The following GALNT6 variants were observed in gnomAD, a reference collection of about 807,000 sequenced individuals.
GALNT6 encodes the protein GalNAc transferase 6.
In GALNT6, 51 loss-of-function variants were observed where a neutral mutation model predicts 65.9. The ratio of observed to expected loss-of-function variants is 0.77; its 90% CI spans 0.62 to 0.98. GALNT6 has a LOEUF of 0.98. Among genes scored for constraint, GALNT6 ranks in the 50% least tolerant of loss-of-function variants. GALNT6 has a pLI of 0.00. For synonymous variants in GALNT6, 323 were observed against 315.1 expected (o/e 1.02, Z -0.26); for missense variants, 708 against 803.3 (o/e 0.88, Z 1.43).
Position 51,359,126 on chromosome 12 carries a change from T to A in GALNT6, c.1368+6A>T. 6.2e-7 allele frequency: 1 copy of A among 1,610,282 alleles called. No homozygotes were observed. On this transcript the variant is annotated splice_donor_region_variant and intron_variant, in intron 8 of 11. Transcript: ENST00000356317. ...CTAAACCTCTCCGAGAACCATTTCC[T>A]CTCACCTCTTGGGCCATCTTTGCTG...
At chr12:51,391,205 C>G (rs2137876035) in intron 1 of GALNT6, 82 bp downstream of exon 1, 1 of 152,914 alleles carries the variant, frequency 6.5e-6, no homozygotes, top group South Asian at 2.1e-4. Flanking sequence ...TCTGGGGAGA[C>G]GGGGCACAGA....
chr12:51,383,748 C>G (rs1254882364), intron 2 of GALNT6, among the ~76,000 whole-genome samples: 2 of 152,092 alleles, frequency 1.3e-5, no homozygotes, highest in African/African-American at 4.8e-5. Context: ...TGGTGAGGCA[C>G]TCATTCTCTA....
At position 51,379,469 on chromosome 12, in the gene GALNT6, G is replaced by C; in HGVS notation, c.313C>G (p.Arg105Gly). 2 of 1,614,082 alleles carry C rather than the reference G, an allele frequency of 1.2e-6. No homozygotes were observed. The highest frequency in any genetic ancestry group is 1.7e-6 in the Non-Finnish European group (2 of 1,179,944). ...TPAELKPFWE[R>G]PPQDPNAPGA... ...GGGGCATTGGGGTCCTGTGGTGGCC[G>C]TTCCCAGAAGGGCTTCAGTTCAGCT... Residue 105 changes from arginine to glycine, a missense_variant, in exon 3 of 12, where the codon CGG (arginine) becomes GGG (glycine). Arg to Gly is a moderately radical substitution (Grantham distance 125, BLOSUM62 -2). Coordinates refer to ENST00000356317, the MANE Select transcript of GALNT6 (RefSeq NM_007210.4).
chr12:51,384,241 G>A (rs1417383818), intron 2 of GALNT6, among the ~76,000 whole-genome samples: 1 of 152,078 alleles, frequency 6.6e-6, no homozygotes, highest in Non-Finnish European at 1.5e-5. Flanking sequence ...TGCTTCCCTG[G>A]CCCCACCGGC....
chr12:51,364,548 G>A (rs148187784), intron 5 of GALNT6, among the ~76,000 whole-genome samples, 193 bp from the exon 6 acceptor site: 7 of 152,358 alleles, frequency 4.6e-5, no homozygotes, highest in African/African-American at 9.6e-5. Flanking sequence ...CCCCAAAGGC[G>A]GAGGCAGCTT....
In GALNT6 at chr12:51,353,836, A is replaced by G. The variant is rs146552793; in HGVS notation, c.*543T>C. 3.9e-4 allele frequency: 59 copies of G among 152,442 alleles called. No homozygotes were observed. The highest frequency in any genetic ancestry group is 3.3e-3 in the Middle Eastern group (1 of 300). 9.4% of individuals were successfully genotyped at this position (152,442 alleles called of 1,614,324 possible). A position where few individuals can be genotyped will look rare whatever the true frequency, so the allele number is the denominator to read the frequency against. On this transcript the variant is annotated 3_prime_UTR_variant, in exon 12 of 12. Transcript: ENST00000356317. ...ACAATCAAGGCTCACTGTAGCTTCA[A>G]CCTCCGGGGAACAAGCAATCCTCCC... is the stretch of plus-strand genomic sequence containing the variant.
At chr12:51,375,714 C>T (rs1012277670) in intron 4 of GALNT6, among the ~76,000 whole-genome samples, 10 of 151,992 alleles carry the variant, frequency 6.6e-5, no homozygotes, top group African/African-American at 2.4e-4. Context: ...TGCTCTGCCA[C>T]GCCTGGCTAA....
At chr12:51,386,625 AGAG>A (rs1388866327) in intron 2 of GALNT6, among the ~76,000 whole-genome samples, 1 of 152,214 alleles carries the variant, frequency 6.6e-6, no homozygotes, top group African/African-American at 2.4e-5. Flanking sequence ...CAAGTTACTC[AGAG>A]GAGGGCTCAA....
Position 51,364,266 on chromosome 12 carries a change from C to T in GALNT6, c.904G>A (p.Asp302Asn), listed in dbSNP as rs770131667. 1.2e-5 allele frequency: 20 copies of T among 1,613,948 alleles called. No homozygotes were observed. The highest frequency in any genetic ancestry group is 1.7e-5 in the Admixed American group (1 of 59,986). ...VVVSPDIVTI[D>N]LNTFEFAKPV... ...TTGGCGAACTCAAAAGTATTAAGGT[C>T]GATGGTGACGATGTCTGGGCTCACC... The change falls in exon 6 of 12, where the codon GAC (aspartate) becomes AAC (asparagine). Residue 302 changes from aspartate (D) to asparagine (N), a missense_variant. Asp to Asn is a conservative substitution (Grantham distance 23). Coordinates refer to ENST00000356317, the MANE Select transcript of GALNT6 (RefSeq NM_007210.4).
Position 51,365,524 on chromosome 12 carries a change from C to T in GALNT6, c.720G>A (p.Val240=), listed in dbSNP as rs1487792609. The part of the protein sequence containing the change: ...QYVKQLQVVR[V]VRQEERKGLI... ...GCCCCTTCCGCTCCTCCTGCCGCAC[C>T]ACCCTCACCACCTGCAGCTGCTTCA... The change falls in exon 5 of 12, where the codon GTG becomes GTA. Residue 240 remains valine (V), a synonymous_variant. Transcript: ENST00000356317. 6.2e-7 allele frequency: 1 copy of T among 1,612,956 alleles called. No individual in the cohort carries two copies. Among genetic ancestry groups the T allele is most frequent in the African/African-American group, 1.3e-5 (1 of 74,912 alleles).
intron 3 of GALNT6, among the ~76,000 whole-genome samples, chr12:51,378,236 C>G (rs1947526871): frequency 6.6e-6 from 1 of 152,144 alleles, no homozygotes; most frequent in African/African-American, 2.4e-5. Context: ...CTCCCTGCAA[C>G]CTCCACCTCC....
chr12:51,389,818 G>A (rs142204436), intron 2 of GALNT6, among the ~76,000 whole-genome samples: 2 of 152,160 alleles, frequency 1.3e-5, no homozygotes, highest in Non-Finnish European at 2.9e-5. Flanking sequence ...GACCTCACAG[G>A]GCACCTGACA....
intron 7 of GALNT6, 32 bp downstream of exon 7, chr12:51,360,689 G>A: frequency 7.9e-7 from 1 of 1,258,988 alleles, no homozygotes. Context: ...CTGGGATGTT[G>A]TGGTTCCCCC....
chr12:51,381,884 G>C (rs180870022), intron 2 of GALNT6, among the ~76,000 whole-genome samples: 2 of 152,366 alleles, frequency 1.3e-5, no homozygotes, highest in African/African-American at 4.8e-5. Context: ...CTTGGCCAAA[G>C]CCACGTTCAT....
At chr12:51,356,588 T>C (rs1404450633) in intron 10 of GALNT6, among the ~76,000 whole-genome samples, 2 of 151,840 alleles carry the variant, frequency 1.3e-5, no homozygotes, top group Non-Finnish European at 2.9e-5. Flanking sequence ...GGTCTCAAAC[T>C]CCTAGGCTCA....
intron 4 of GALNT6, among the ~76,000 whole-genome samples, chr12:51,373,485 T>C (rs1947354106): frequency 1.3e-5 from 2 of 152,216 alleles, no homozygotes; most frequent in Admixed American, 6.5e-5. Context: ...CCTTCTGCCA[T>C]GATTATAGGT....
chr12:51,371,467 A>C (rs1288881003), intron 4 of GALNT6, among the ~76,000 whole-genome samples: 2 of 152,178 alleles, frequency 1.3e-5, no homozygotes, highest in African/African-American at 4.8e-5. Flanking sequence ...CTCATTAACA[A>C]GTCAAGCCTC....
Position 51,364,354 on chromosome 12 carries a change from AC to A in GALNT6, c.815del (p.Cys272LeufsTer23). On this transcript the variant is annotated frameshift_variant and splice_region_variant, in exon 6 of 12. Coordinates refer to ENST00000356317, the MANE Select transcript of GALNT6 (RefSeq NM_007210.4). LOFTEE classifies it high-confidence loss of function. ...AEVLTFLDAHCECFHGWLEPL... is the reference protein window; with the variant it reads ...AEVLTFLDAHXECFHGWLEPL... ...GCTCCAGCCAGCCGTGGAAGCACTC[AC>A]CTGCAGGCCCCAACCAGGAGGCAGC... 1 of 1,611,402 alleles carries A rather than the reference AC, an allele frequency of 6.2e-7. No individual in the cohort carries two copies. The highest frequency in any genetic ancestry group is 1.7e-4 in the Middle Eastern group (1 of 6,052).
At chr12:51,388,137 C>T (rs1314692184) in intron 2 of GALNT6, among the ~76,000 whole-genome samples, 1 of 152,204 alleles carries the variant, frequency 6.6e-6, no homozygotes, top group South Asian at 2.1e-4. Context: ...AGGTTCACCC[C>T]ACACCCGCTC....
Sources: gnomAD v4.1 joint callset for allele counts (sites outside exome capture counted in the v4.1 genomes callset) on GRCh38, gnomAD v4.1.1 for gene constraint, MANE v1.5 for transcripts, NCBI Gene and HGNC (gene_info 2026-07-23, HGNC 2026-07-21) for gene names.